Variants in KIF26B observed in about 807,000 individuals in gnomAD.
KIF26B encodes the protein kinesin-like protein KIF26B.
Under a neutral mutation model 151.2 loss-of-function variants are expected in KIF26B, and 63 were observed. The ratio of observed to expected loss-of-function variants is 0.42; its 90% CI spans 0.34 to 0.51. The LOEUF is 0.51. Among genes scored for constraint, KIF26B ranks in the 20% least tolerant of loss-of-function variants. The pLI is 0.07. For synonymous variants in KIF26B, 1,357 were observed against 1,262.1 expected, an observed-to-expected ratio of 1.08 and a Z score of -1.59; for missense variants, 2,813 against 2,913.6, an observed-to-expected ratio of 0.97 and a Z score of 0.79.
chr1:245,538,788 T>C (rs1289236035), intron 4 of KIF26B, among the ~76,000 whole-genome samples: 2 of 152,162 alleles, frequency 1.3e-5, no homozygotes, highest in Non-Finnish European at 2.9e-5. Flanking sequence ...TCTAGTCCTC[T>C]GAGACATAGG....
At chr1:245,292,804 G>C (rs1053203757) in intron 2 of KIF26B, among the ~76,000 whole-genome samples, 6 of 152,080 alleles carry the variant, frequency 3.9e-5, no homozygotes, top group African/African-American at 9.7e-5. Flanking sequence ...ACCTTCCCTC[G>C]GTTCTCGCTG....
In KIF26B at chr1:245,704,850, T is replaced by C. The variant is rs1056552484; in HGVS notation, c.*2244T>C. 12 of 141,644 alleles carry C rather than the reference T, an allele frequency of 8.5e-5. No homozygotes were observed. Among genetic ancestry groups the C allele is most frequent in the African/African-American group, 2.7e-4 (10 of 36,418 alleles). 8.8% of individuals were successfully genotyped at this position (141,644 alleles called of 1,614,324 possible). A position where few individuals can be genotyped will look rare whatever the true frequency, so the allele number is the denominator to read the frequency against. Reference sequence around the variant, plus strand: ...GGCTGCTGGTTGCTGGTTTCAAACATATAGTTCATGAAAAGTCTTTAATTG... The same window carrying C: ...GGCTGCTGGTTGCTGGTTTCAAACACATAGTTCATGAAAAGTCTTTAATTG... On this transcript the variant is annotated 3_prime_UTR_variant, in exon 15 of 15. Coordinates refer to ENST00000407071, the MANE Select transcript of KIF26B (RefSeq NM_018012.4).
intron 3 of KIF26B, among the ~76,000 whole-genome samples, chr1:245,378,161 G>C (rs1015905791): frequency 6.6e-6 from 1 of 152,128 alleles, no homozygotes. Flanking sequence ...TACCGATCAA[G>C]CTGATAATTT....
At chr1:245,529,300 C>G (rs1339742533) in intron 4 of KIF26B, among the ~76,000 whole-genome samples, 1 of 152,210 alleles carries the variant, frequency 6.6e-6, no homozygotes, top group East Asian at 1.9e-4. Context: ...TCTTAACATG[C>G]TTAGAATCCC....
chr1:245,584,130 TAGTG>T (rs1251211904), intron 5 of KIF26B, among the ~76,000 whole-genome samples: 3 of 152,188 alleles, frequency 2.0e-5, no homozygotes, highest in African/African-American at 4.8e-5. Context: ...ATCCTCATGA[TAGTG>T]AGTTCTCCCA....
chr1:245,542,785 A>G (rs1215261534), intron 5 of KIF26B, among the ~76,000 whole-genome samples: 1 of 152,182 alleles, frequency 6.6e-6, no homozygotes, highest in Non-Finnish European at 1.5e-5. Flanking sequence ...TACCATCTGA[A>G]CTGCTTTTAA....
rs1315488136 is a variant in KIF26B, at chr1:245,687,550, C to G, written c.4567C>G (p.Gln1523Glu). 2.6e-6 allele frequency: 4 copies of G among 1,566,940 alleles called. No homozygotes were observed. The highest frequency in any genetic ancestry group is 3.5e-6 in the Non-Finnish European group (4 of 1,156,372). Residue 1523 changes from glutamine (Q) to glutamate (E), a missense_variant, in exon 12 of 15, where the codon CAG (glutamine) becomes GAG (glutamate). Around this residue, in one of 3 missense-constraint regions of KIF26B, gnomAD observed 2,060 missense variants for 2,088.6 expected, o/e 0.99. Transcript: ENST00000407071. This position sits in a 1 kb window ranked among gnomAD's most constrained non-coding sequence, Gnocchi z 4.9. ...CEMALPGLAT[Q>E]SPVHPNKSVK... ...GATGGCCCTGCCCGGTTTGGCCACC[C>G]AGAGCCCCGTGCATCCCAACAAAAG...
intron 2 of KIF26B, among the ~76,000 whole-genome samples, chr1:245,323,944 G>A (rs1233348205): frequency 2.1e-5 from 3 of 145,194 alleles, no homozygotes; most frequent in Non-Finnish European, 3.0e-5. Context: ...AGACCCTTAT[G>A]TGGGTGGTGG....
At chr1:245,190,321 G>A (rs559713685) in intron 2 of KIF26B, among the ~76,000 whole-genome samples, 10 of 152,280 alleles carry the variant, frequency 6.6e-5, no homozygotes, top group Admixed American at 6.5e-4. Context: ...CTCTTGTCAG[G>A]ACTTCTTCCT....
intron 4 of KIF26B, among the ~76,000 whole-genome samples, chr1:245,432,507 C>A (rs953248126): frequency 9.8e-5 from 15 of 152,292 alleles, no homozygotes; most frequent in Non-Finnish European, 1.5e-4. Context: ...AGGACTAGCA[C>A]AAACAAAGTA....
intron 3 of KIF26B, among the ~76,000 whole-genome samples, chr1:245,387,760 A>C (rs116437701): frequency 0.02 from 2,979 of 152,268 alleles, 90 homozygotes; most frequent in African/African-American, 0.067. Context: ...TGATACCAGC[A>C]GCAGACAGGG....
rs141489495 is a variant in KIF26B, at chr1:245,213,691, G to A, written c.465+57008G>A. ...GAGCCTTTCATCATCATCAGAAGGCGTTGTGCGTGGTGTGGATGCACACGT... is the reference window on the plus strand; with the variant it reads ...GAGCCTTTCATCATCATCAGAAGGCATTGTGCGTGGTGTGGATGCACACGT... On this transcript the variant is annotated intron_variant, in intron 2 of 14. Coordinates refer to ENST00000407071, the MANE Select transcript of KIF26B (RefSeq NM_018012.4). Among the ~76,000 whole-genome samples the A allele has an allele frequency of 6.6e-5, 10 of 152,172 alleles. No individual in the cohort carries two copies. In the East Asian group the frequency reaches 1.6e-3, roughly 24 times the overall value.
chr1:245,629,480 AAAAC>A (rs1296995581), intron 9 of KIF26B, among the ~76,000 whole-genome samples: 24 of 152,222 alleles, frequency 1.6e-4, no homozygotes, highest in Non-Finnish European at 2.9e-5. Context: ...AAACCTGACA[AAAAC>A]AAGCAATGGA....
intron 2 of KIF26B, among the ~76,000 whole-genome samples, chr1:245,302,834 C>G (rs924168216): frequency 6.6e-6 from 1 of 151,582 alleles, no homozygotes; most frequent in Admixed American, 6.6e-5. Context: ...ACTAAAAATA[C>G]GAAAATTAGC....
chr1:245,191,275 G>C (rs1295708137), intron 2 of KIF26B, among the ~76,000 whole-genome samples: 17 of 151,708 alleles, frequency 1.1e-4, no homozygotes, highest in Admixed American at 1.1e-3. Context: ...AGGAGTTCGA[G>C]ACCAGCCTGG....
At chr1:245,411,232 G>A (rs186913123) in intron 3 of KIF26B, among the ~76,000 whole-genome samples, 3 of 152,316 alleles carry the variant, frequency 2.0e-5, no homozygotes, top group East Asian at 1.9e-4. Context: ...GCATCACCGC[G>A]GTTCTGGGTA....
At chr1:245,283,015 T>C (rs1449124025) in intron 2 of KIF26B, 4 of 287,188 alleles carry the variant, frequency 1.4e-5, no homozygotes, top group Non-Finnish European at 2.9e-5. Context: ...ATGTGCTTCA[T>C]GGCTTGCAAC....
Position 245,352,918 on chromosome 1 carries a change from C to T in KIF26B, c.466-13916C>T, listed in dbSNP as rs1672601981. 1.3e-5 allele frequency among the ~76,000 whole-genome samples: 2 copies of T among 151,988 alleles called. No homozygotes were observed. Among genetic ancestry groups the T allele is most frequent in the African/African-American group, 4.8e-5 (2 of 41,372 alleles). On this transcript the variant is annotated intron_variant, in intron 2 of 14. Transcript: ENST00000407071. The surrounding 1 kb of genome is among the most constrained non-coding windows in gnomAD (Gnocchi z 5.0). ...TGAGAAGTGGCTCTCTTGCTATAGACTTTTGCTTTTTACTCTTTTCCACTG... is the reference window on the plus strand; with the variant it reads ...TGAGAAGTGGCTCTCTTGCTATAGATTTTTGCTTTTTACTCTTTTCCACTG...
chr1:245,470,524 G>C (rs549478916), intron 4 of KIF26B, among the ~76,000 whole-genome samples: 3 of 151,914 alleles, frequency 2.0e-5, no homozygotes, highest in Non-Finnish European at 2.9e-5. Context: ...TCCGCCTCCC[G>C]GGTTCACGCC....
Sources: allele counts gnomAD v4.1 joint callset (sites outside exome capture counted in the v4.1 genomes callset), GRCh38; gene constraint gnomAD v4.1.1; regional missense constraint gnomAD v4.1.1; non-coding constraint Gnocchi (gnomAD v3.1); transcripts MANE v1.5; gene names NCBI Gene and HGNC (gene_info 2026-07-23, HGNC 2026-07-21).